The following TXLNB variants were observed in gnomAD, a reference collection of about 807,000 sequenced individuals.
TXLNB encodes beta-taxilin.
Under a neutral mutation model 57.4 loss-of-function variants are expected in TXLNB, and 37 were observed. The observed-to-expected ratio is 0.64, with a 90% CI of 0.50 to 0.85. TXLNB has a LOEUF of 0.85. Ranked by LOEUF, TXLNB falls within the 40% of genes least tolerant of loss-of-function variation. The pLI is 0.00. For synonymous variants in TXLNB, 302 were observed against 309.6 expected (o/e 0.98, Z 0.26); for missense variants, 848 against 825.6 (o/e 1.03, Z -0.33).
At chr6:139,262,841 C>G (rs919799762) in intron 4 of TXLNB, 68 bp from the exon 5 acceptor site, 89 of 1,512,958 alleles carry the variant, frequency 5.9e-5, no homozygotes, top group Non-Finnish European at 7.5e-5. Flanking sequence ...CATTAGGTCA[C>G]CTAAAGGAGA....
At chr6:139,321,167 T>A in the TXLNB span, among the ~76,000 whole-genome samples, 3 of 152,132 alleles carry the variant, frequency 2.0e-5, no homozygotes, top group Non-Finnish European at 4.4e-5. Context: ...CACTGGACCT[T>A]GCTATTGTCT....
intron 6 of TXLNB, among the ~76,000 whole-genome samples, chr6:139,258,407 A>G (rs1236200853): frequency 6.6e-6 from 1 of 152,182 alleles, no homozygotes; most frequent in Non-Finnish European, 1.5e-5. Flanking sequence ...CCAATGGTGG[A>G]ATTTCTATTC....
the TXLNB span, among the ~76,000 whole-genome samples, chr6:139,320,811 G>A: frequency 2.0e-5 from 3 of 152,224 alleles, no homozygotes; most frequent in South Asian, 6.2e-4. Flanking sequence ...TCTCTCCCAT[G>A]CTACATAGGC....
upstream of TXLNB, chr6:139,292,027 CA>C (rs1214724254): frequency 6.6e-6 from 1 of 152,548 alleles, no homozygotes; most frequent in Non-Finnish European, 1.5e-5. The surrounding 1 kb of genome is among the most constrained non-coding windows in gnomAD (Gnocchi z 4.0). Context: ...TGTGTTCTTA[CA>C]AGGGAGAGAG....
At chr6:139,253,118 T>G (rs1776251749) in intron 7 of TXLNB, among the ~76,000 whole-genome samples, 1 of 152,186 alleles carries the variant, frequency 6.6e-6, no homozygotes, top group South Asian at 2.1e-4. Context: ...AAGCAGAGAT[T>G]TTTCTCTCTC....
the TXLNB span, among the ~76,000 whole-genome samples, chr6:139,209,087 C>A: frequency 6.6e-6 from 1 of 152,094 alleles, no homozygotes; most frequent in South Asian, 2.1e-4. Flanking sequence ...ATGAATTCAG[C>A]GATATTTCAG....
chr6:139,222,559 C>A, the TXLNB span, among the ~76,000 whole-genome samples: 30 of 152,168 alleles, frequency 2.0e-4, no homozygotes, highest in Non-Finnish European at 1.6e-4. Flanking sequence ...GTAATCCTAG[C>A]ACTTTGGGAA....
intron 7 of TXLNB, among the ~76,000 whole-genome samples, chr6:139,253,676 G>T (rs182612118): frequency 1.4e-3 from 207 of 152,034 alleles, no homozygotes; most frequent in African/African-American, 4.8e-3. Flanking sequence ...GGTATAAGGG[G>T]GAAATTAGAT....
the TXLNB span, among the ~76,000 whole-genome samples, chr6:139,215,676 A>G: frequency 2.6e-5 from 4 of 152,240 alleles, no homozygotes; most frequent in African/African-American, 7.2e-5. Context: ...AACTACCATC[A>G]GAGTGAACAG....
the TXLNB span, among the ~76,000 whole-genome samples, chr6:139,159,791 C>T: frequency 7.2e-5 from 11 of 152,164 alleles, no homozygotes; most frequent in African/African-American, 2.7e-4. Context: ...TTAGATTTTG[C>T]CTGGAAAGCC....
At chr6:139,213,804 C>T in the TXLNB span, among the ~76,000 whole-genome samples, 62 of 152,076 alleles carry the variant, frequency 4.1e-4, no homozygotes, top group African/African-American at 1.3e-3. Flanking sequence ...ATATCACCAC[C>T]GATCCCACAA....
At chr6:139,171,712 G>A in the TXLNB span, among the ~76,000 whole-genome samples, 1 of 151,882 alleles carries the variant, frequency 6.6e-6, no homozygotes, top group Admixed American at 6.6e-5. Flanking sequence ...CTGCAGCCTT[G>A]GACTGCTGAG....
chr6:139,199,291 G>T, the TXLNB span, among the ~76,000 whole-genome samples: 1 of 151,980 alleles, frequency 6.6e-6, no homozygotes. Context: ...TTTCTCCTAA[G>T]CTTCAAGCTT....
At chr6:139,166,764 A>G in the TXLNB span, 1 of 1,613,776 alleles carries the variant, frequency 6.2e-7, no homozygotes, top group South Asian at 1.1e-5. Context: ...CAGAACTCCC[A>G]GGAGAAGGCA....
At chr6:139,277,273 T>C (rs1214537143) in intron 2 of TXLNB, 1 of 168,072 alleles carries the variant, frequency 5.9e-6, no homozygotes, top group African/African-American at 2.4e-5. Context: ...TCTGAAAGAA[T>C]ACGTCACCCG....
the TXLNB span, among the ~76,000 whole-genome samples, chr6:139,314,841 A>T: frequency 6.6e-6 from 1 of 152,214 alleles, no homozygotes; most frequent in African/African-American, 2.4e-5. Context: ...CGTAGGGCGA[A>T]CTAACTTTGG....
downstream of TXLNB, among the ~76,000 whole-genome samples, chr6:139,235,630 G>C (rs1261722254): frequency 1.3e-5 from 2 of 152,104 alleles, no homozygotes; most frequent in African/African-American, 4.8e-5. Context: ...TCTTATGATA[G>C]TGATATGGGA....
At chr6:139,311,887 G>A in the TXLNB span, among the ~76,000 whole-genome samples, 1 of 152,130 alleles carries the variant, frequency 6.6e-6, no homozygotes, top group African/African-American at 2.4e-5. Flanking sequence ...GGTTCTTGTT[G>A]AAAGCTCTCT....
chr6:139,290,939 G>A (rs764917287), intron 1 of TXLNB, among the ~76,000 whole-genome samples: 1 of 152,170 alleles, frequency 6.6e-6, no homozygotes, highest in African/African-American at 2.4e-5. Flanking sequence ...TCAACACACA[G>A]ATGTTGCCAC....
Sources: allele counts gnomAD v4.1 joint callset (sites outside exome capture counted in the v4.1 genomes callset), GRCh38; gene constraint gnomAD v4.1.1; non-coding constraint Gnocchi (gnomAD v3.1); transcripts MANE v1.5; gene names NCBI Gene and HGNC (gene_info 2026-07-23, HGNC 2026-07-21).